The following IRS1 variants were observed in gnomAD, a reference collection of about 807,000 sequenced individuals.
The protein encoded by IRS1 is insulin receptor substrate 1.
In IRS1, 34 loss-of-function variants were observed where a neutral mutation model predicts 65.6. That is an observed-to-expected ratio of 0.52 (90% CI 0.39 to 0.69). The LOEUF is 0.69. IRS1 is among the 30% of genes least tolerant of loss of function. The pLI is 0.00. For missense variants in IRS1, 1,641 were observed against 1,720.2 expected (o/e 0.95, Z 0.81); for synonymous variants, 699 against 683.5 (o/e 1.02, Z -0.35).
intron 1 of IRS1, among the ~76,000 whole-genome samples, chr2:226,775,803 T>A (rs1407056394): frequency 6.6e-6 from 1 of 152,244 alleles, no homozygotes; most frequent in Non-Finnish European, 1.5e-5. Context: ...TCCGGTATAC[T>A]GTAAATCATC....
rs900365193 is a variant in IRS1, at chr2:226,794,005, A to G, written c.*21+984T>C. On this transcript the variant is annotated intron_variant, in intron 1 of 1. Coordinates refer to ENST00000305123, the MANE Select transcript of IRS1 (RefSeq NM_005544.3). The surrounding 1 kb of genome is among the most constrained non-coding windows in gnomAD (Gnocchi z 4.1). ...TAAAGGCACACAGCAAATAACCCTA[A>G]AAGTGGAGGGTATACAGTTTAGCCC... 6.6e-6 allele frequency among the ~76,000 whole-genome samples: 1 copy of G among 152,218 alleles called. No individual in the cohort carries two copies.
In IRS1 at chr2:226,795,330, C is replaced by A; in HGVS notation, c.3409G>T (p.Asp1137Tyr). The A allele has an allele frequency of 6.2e-7, 1 of 1,613,520 alleles. No individual in the cohort carries two copies. The change falls in exon 1 of 2, where the codon GAT becomes TAT. Residue 1137 changes from aspartate to tyrosine, a missense_variant. Asp to Tyr is a radical substitution (Grantham distance 160). Coordinates refer to ENST00000305123, the MANE Select transcript of IRS1 (RefSeq NM_005544.3). Reference sequence around the variant, plus strand: ...GAAGCAGAGCTGTGGCGTTTCACATCCTCGCTGCTGCTGCTGCTACCGCCA... The same window carrying A: ...GAAGCAGAGCTGTGGCGTTTCACATACTCGCTGCTGCTGCTGCTACCGCCA... ...GGGGSSSSSEDVKRHSSASFE... is the reference protein window; with the variant it reads ...GGGGSSSSSEYVKRHSSASFE...
intron 1 of IRS1, among the ~76,000 whole-genome samples, chr2:226,752,964 G>A (rs1008994371): frequency 2.6e-5 from 4 of 152,188 alleles, no homozygotes; most frequent in African/African-American, 9.7e-5. Context: ...GATGGTAACT[G>A]TAAAGCACGT....
In IRS1 at chr2:226,795,835, T is replaced by A. The variant is rs777571798; in HGVS notation, c.2904A>T (p.Ala968=). Residue 968 remains alanine (A), a synonymous_variant, in exon 1 of 2, where the codon GCA becomes GCT. Coordinates refer to ENST00000305123, the MANE Select transcript of IRS1 (RefSeq NM_005544.3). The part of the protein sequence containing the change: ...TGVEMGRLGP[A]PPGAASICRP... ...TGCAAATGCTAGCAGCCCCGGGAGG[T>A]GCAGGGCCCAGTCTGCCCATCTCGA... 9.9e-6 allele frequency: 16 copies of A among 1,612,882 alleles called. No individual in the cohort carries two copies. The East Asian group carries it at 3.3e-4, about 34-fold the overall frequency.
At chr2:226,790,825 A>T (rs1338865397) in intron 1 of IRS1, among the ~76,000 whole-genome samples, 1 of 151,984 alleles carries the variant, frequency 6.6e-6, no homozygotes, top group Non-Finnish European at 1.5e-5. Context: ...AATATATCTC[A>T]CATAATTTTG....
Position 226,732,506 on chromosome 2 carries a change from A to ATG in IRS1, c.*3764_*3765dup, listed in dbSNP as rs1938242158. The ATG allele has an allele frequency of 6.7e-6, 1 of 148,466 alleles. No homozygotes were observed. Among genetic ancestry groups the ATG allele is most frequent in the Non-Finnish European group, 1.5e-5 (1 of 67,414 alleles). 9.2% of individuals were successfully genotyped at this position (148,466 alleles called of 1,614,324 possible). On this transcript the variant is annotated 3_prime_UTR_variant, in exon 2 of 2. Transcript: ENST00000305123. ...TATATATATATACACACACACACATATGTGTATCTATATATGTGTGTATAT... is the reference window on the plus strand; with the variant it reads ...TATATATATATACACACACACACATATGTGTGTATCTATATATGTGTGTATAT...
Position 226,733,780 on chromosome 2 carries a change from A to C in IRS1, c.*2492T>G, listed in dbSNP as rs997013131. ...CGCCAGAGTATGAACTTTTGGTTTG[A>C]GTACCAGCAACTTCCAGTTTTAAAT... is the stretch of plus-strand genomic sequence containing the variant. On this transcript the variant is annotated 3_prime_UTR_variant, in exon 2 of 2. Transcript: ENST00000305123. The C allele has an allele frequency of 6.6e-6, 1 of 152,218 alleles. No homozygotes were observed. Among genetic ancestry groups the C allele is most frequent in the African/African-American group, 2.4e-5 (1 of 41,462 alleles). The allele number at this position is 152,218 out of a possible 1,614,324, so 9.4% of individuals were successfully genotyped here.
At position 226,732,194 on chromosome 2, in the gene IRS1, G is replaced by A. The variant is rs1938234441; in HGVS notation, c.*4078C>T. 1 of 151,946 alleles carries A rather than the reference G, an allele frequency of 6.6e-6. No individual in the cohort carries two copies. The highest frequency in any genetic ancestry group is 2.4e-5 in the African/African-American group (1 of 41,334). 9.4% of individuals were successfully genotyped at this position (151,946 alleles called of 1,614,324 possible). On this transcript the variant is annotated 3_prime_UTR_variant, in exon 2 of 2. Transcript: ENST00000305123. ...TGTGATGCTCTGTTTACAAGTAGTG[G>A]GAGACACACAACAGGCTACATATTC...
At chr2:226,773,140 A>G (rs1419808367) in intron 1 of IRS1, among the ~76,000 whole-genome samples, 1 of 152,224 alleles carries the variant, frequency 6.6e-6, no homozygotes, top group Non-Finnish European at 1.5e-5. Flanking sequence ...ATTTCTGGAA[A>G]CTTTGAAACA....
At position 226,799,150 on chromosome 2, in the gene IRS1, G is replaced by A; in HGVS notation, c.-412C>T. On this transcript the variant is annotated 5_prime_UTR_variant, in exon 1 of 2. Transcript: ENST00000305123. This position sits in a 1 kb window ranked among gnomAD's most constrained non-coding sequence, Gnocchi z 6.1. Reference sequence around the variant, plus strand: ...GGTGCCCCTCCAGGAGCGCGCGCGCGCGCGCGCCTTCCCTCCTGAGTTCCC... The same window carrying A: ...GGTGCCCCTCCAGGAGCGCGCGCGCACGCGCGCCTTCCCTCCTGAGTTCCC... The A allele has an allele frequency of 1.8e-6, 2 of 1,103,210 alleles. No homozygotes were observed. Among genetic ancestry groups the A allele is most frequent in the South Asian group, 5.0e-5 (2 of 39,748 alleles). The allele number at this position is 1,103,210 out of a possible 1,614,324, so 68.3% of individuals were successfully genotyped here.
At chr2:226,790,954 C>T (rs1939581089) in intron 1 of IRS1, among the ~76,000 whole-genome samples, 1 of 152,142 alleles carries the variant, frequency 6.6e-6, no homozygotes, top group Non-Finnish European at 1.5e-5. Flanking sequence ...TGTCTGAGAA[C>T]GCCACAGCAT....
Position 226,797,029 on chromosome 2 carries a change from T to A in IRS1, c.1710A>T (p.Gly570=). The A allele has an allele frequency of 1.2e-6, 2 of 1,607,034 alleles. No homozygotes were observed. Among genetic ancestry groups the A allele is most frequent in the Non-Finnish European group, 1.7e-6 (2 of 1,175,298 alleles). ...TGGGCACGAAGGCGGAGTGCCTGTG[T>A]CCCGGCAGTCGGCCTCCACTGCCAC... ...PGGGSGGRLP[G]HRHSAFVPTR... The change falls in exon 1 of 2, where the codon GGA becomes GGT. Residue 570 remains glycine, a synonymous_variant. Coordinates refer to ENST00000305123, the MANE Select transcript of IRS1 (RefSeq NM_005544.3). This position sits in a 1 kb window ranked among gnomAD's most constrained non-coding sequence, Gnocchi z 8.1.
At chr2:226,760,248 AAATTT>A (rs1325631510) in intron 1 of IRS1, among the ~76,000 whole-genome samples, 1 of 152,260 alleles carries the variant, frequency 6.6e-6, no homozygotes, top group African/African-American at 2.4e-5. Flanking sequence ...TGCACAAATT[AAATTT>A]TTTTCTTTTT....
At chr2:226,756,725 A>T (rs776667681) in intron 1 of IRS1, among the ~76,000 whole-genome samples, 29 of 152,184 alleles carry the variant, frequency 1.9e-4, no homozygotes, top group South Asian at 4.1e-4. Flanking sequence ...GAACTCTGGG[A>T]GGCCCAGGTG....
chr2:226,780,117 G>A (rs1451048658), intron 1 of IRS1, among the ~76,000 whole-genome samples: 1 of 152,200 alleles, frequency 6.6e-6, no homozygotes, highest in Non-Finnish European at 1.5e-5. Context: ...TAGCAGCCGG[G>A]TGCGGTGGCT....
Position 226,796,497 on chromosome 2 carries a change from C to T in IRS1, c.2242G>A (p.Asp748Asn), listed in dbSNP as rs137881923. ...VGDSNTSSPS[D>N]CYYGPEDPQH... ...GGGTCCTCAGGGCCGTAGTAGCAGT[C>T]GGAGGGGCTGCTGGTGTTGGAGTCC... Residue 748 changes from aspartate to asparagine, a missense_variant, in exon 1 of 2, where the codon GAC becomes AAC. By Grantham distance (23) the Asp-to-Asn change is conservative (BLOSUM62 1). Transcript: ENST00000305123. The T allele has an allele frequency of 2.5e-6, 4 of 1,613,816 alleles. No individual in the cohort carries two copies. Among genetic ancestry groups the T allele is most frequent in the African/African-American group, 1.3e-5 (1 of 75,020 alleles).
intron 1 of IRS1, among the ~76,000 whole-genome samples, chr2:226,779,699 G>C (rs1393400135): frequency 6.6e-6 from 1 of 152,198 alleles, no homozygotes; most frequent in Non-Finnish European, 1.5e-5. Flanking sequence ...AAAGTTCTTG[G>C]ATCCTAAGTT....
chr2:226,746,057 C>T (rs922010349), intron 1 of IRS1, among the ~76,000 whole-genome samples: 2 of 151,944 alleles, frequency 1.3e-5, no homozygotes, highest in Non-Finnish European at 2.9e-5. Context: ...GTAGCATTCA[C>T]GTACAAAGGG....
rs1270418266 is a variant in IRS1, at chr2:226,797,326, C to T, written c.1413G>A (p.Lys471=). 1 of 1,613,478 alleles carries T rather than the reference C, an allele frequency of 6.2e-7. No individual in the cohort carries two copies. ...TGGGGGCGGTCAGGGTGGAGGGCCCCTTGCCACCCATGCAGATATAGTTGC... is the reference window on the plus strand; with the variant it reads ...TGGGGGCGGTCAGGGTGGAGGGCCCTTTGCCACCCATGCAGATATAGTTGC... ...ELSNYICMGG[K]GPSTLTAPNG... Residue 471 remains lysine (K), a synonymous_variant, in exon 1 of 2, where the codon AAG becomes AAA. Transcript: ENST00000305123. This position sits in a 1 kb window ranked among gnomAD's most constrained non-coding sequence, Gnocchi z 8.1.
Sources: gnomAD v4.1 joint callset for allele counts (sites outside exome capture counted in the v4.1 genomes callset) on GRCh38, gnomAD v4.1.1 for gene constraint, Gnocchi (gnomAD v3.1) non-coding constraint, MANE v1.5 for transcripts, NCBI Gene and HGNC (gene_info 2026-07-23, HGNC 2026-07-21) for gene names.